PNMA3: variants seen among roughly 807,000 people sequenced by gnomAD.
The protein encoded by PNMA3 is PNMA family member 3.
Under a neutral mutation model 25.1 loss-of-function variants are expected in PNMA3, and 10 were observed. The ratio of observed to expected loss-of-function variants is 0.40; its 90% confidence interval spans 0.25 to 0.68. The LOEUF is 0.68. Ranked by LOEUF, PNMA3 falls within the 30% of genes least tolerant of loss-of-function variation. The pLI is 0.40. For missense variants in PNMA3, 317 were observed against 372.1 expected, an observed-to-expected ratio of 0.85 and a Z score of 1.22; for synonymous variants, 134 against 148.7, an observed-to-expected ratio of 0.90 and a Z score of 0.72.
chrX:153,058,661 G>T lies in PNMA3; in HGVS notation c.*214G>T. The T allele has an allele frequency of 9.1e-7, 1 of 1,093,545 alleles. No homozygotes were observed. Among genetic ancestry groups the T allele is most frequent in the Non-Finnish European group, 1.2e-6 (1 of 814,567 alleles). The allele number at this position is 1,093,545 out of a possible 1,213,427, so 90.1% of individuals were successfully genotyped here. A position where few individuals can be genotyped will look rare whatever the true frequency, so the allele number is the denominator to read the frequency against. On this transcript the variant is annotated 3_prime_UTR_variant, in exon 2 of 2. Transcript: ENST00000593810. ...CTGGCAACAGGCTCAGTGGGGGTCA[G>T]GTCCAGGTCCCCGAAGAGGTGCTGG...
chrX:153,058,435 C>A lies in PNMA3; in HGVS notation c.1380C>A (p.Ser460=). 8.3e-7 allele frequency: 1 copy of A among 1,212,044 alleles called. No homozygotes were observed. The highest frequency in any genetic ancestry group is 1.1e-6 in the Non-Finnish European group (1 of 895,542). Residue 460 remains serine, a synonymous_variant, in exon 2 of 2, where the codon TCC becomes TCA. Coordinates refer to ENST00000593810, the MANE Select transcript of PNMA3 (RefSeq NM_013364.6). The part of the protein sequence containing the change: ...NWAWDKSHPK[S]KAK ...CTTGGGACAAGAGCCATCCCAAGTC[C>A]AAGGCCAAGTAGGCTCGGGAGAACA...
In PNMA3 at chrX:153,058,651, G is replaced by T; in HGVS notation, c.*204G>T. 8.9e-7 allele frequency: 1 copy of T among 1,129,161 alleles called. No homozygotes were observed. Among genetic ancestry groups the T allele is most frequent in the South Asian group, 2.0e-5 (1 of 49,687 alleles). The allele number at this position is 1,129,161 out of a possible 1,213,427, so 93.1% of individuals were successfully genotyped here. A position where few individuals can be genotyped will look rare whatever the true frequency, so the allele number is the denominator to read the frequency against. On this transcript the variant is annotated 3_prime_UTR_variant, in exon 2 of 2. Coordinates refer to ENST00000593810, the MANE Select transcript of PNMA3 (RefSeq NM_013364.6). Reference sequence around the variant, plus strand: ...CCAAGACCACCTGGCAACAGGCTCAGTGGGGGTCAGGTCCAGGTCCCCGAA... The same window carrying T: ...CCAAGACCACCTGGCAACAGGCTCATTGGGGGTCAGGTCCAGGTCCCCGAA...
In PNMA3 at chrX:153,057,001, G is replaced by A. The variant is rs2051146746; in HGVS notation, c.-55G>A. ...TCACCCTAGGAGTTGATCCAGATAT[G>A]TGCCTCACGCCCTGATCACTCCCCC... On this transcript the variant is annotated 5_prime_UTR_variant, in exon 2 of 2. The change creates a new upstream start codon in the 5' untranslated region. Coordinates refer to ENST00000593810, the MANE Select transcript of PNMA3 (RefSeq NM_013364.6). 2 of 1,173,399 alleles carry A rather than the reference G, an allele frequency of 1.7e-6. No homozygotes were observed. Among genetic ancestry groups the A allele is most frequent in the African/African-American group, 3.5e-5 (2 of 56,497 alleles).
Position 153,057,378 on chromosome X carries a change from GCTT to G in PNMA3, c.327_329del (p.Phe109del), listed in dbSNP as rs1556932110. The G allele has an allele frequency of 8.3e-7, 1 of 1,212,022 alleles. No individual in the cohort carries two copies. The highest frequency in any genetic ancestry group is 1.1e-6 in the Non-Finnish European group (1 of 895,546). ...GGGGAATTTCTCAACAGACTGAACC[GCTT>G]CTTAGAGGAGGAGAGGCGGACCGTG... On this transcript the variant is annotated inframe_deletion, in exon 2 of 2. Coordinates refer to ENST00000593810, the MANE Select transcript of PNMA3 (RefSeq NM_013364.6).
Position 153,058,273 on chromosome X carries a change from A to C in PNMA3, c.1218A>C (p.Arg406Ser). The stretch of plus-strand genomic sequence containing the variant: ...CAAGGGCTGGCTCTCGAGGCTCAAG[A>C]AAACGGAAACGCCACACATTCTGCT... ...GVARAGSRGSRKRKRHTFCYS... is the reference protein window; with the variant it reads ...GVARAGSRGSSKRKRHTFCYS... Residue 406 changes from arginine to serine, a missense_variant, in exon 2 of 2, where the codon AGA becomes AGC. Coordinates refer to ENST00000593810, the MANE Select transcript of PNMA3 (RefSeq NM_013364.6). 8.2e-7 allele frequency: 1 copy of C among 1,212,212 alleles called. No individual in the cohort carries two copies.
chrX:153,057,441 A>G lies in PNMA3; in HGVS notation c.386A>G (p.Asn129Ser). Reference protein sequence around the residue: ...DMNRVLGSDTNCSAPRVTISP... With the variant: ...DMNRVLGSDTSCSAPRVTISP... ...AACCGAGTCCTCGGGTCGGACACCAATTGTTCGGCTCCAAGAGTGACTATA... is the reference window on the plus strand; with the variant it reads ...AACCGAGTCCTCGGGTCGGACACCAGTTGTTCGGCTCCAAGAGTGACTATA... Residue 129 changes from asparagine (N) to serine (S), a missense_variant, in exon 2 of 2, where the codon AAT becomes AGT. Transcript: ENST00000593810. 4 of 1,210,459 alleles carry G rather than the reference A, an allele frequency of 3.3e-6. No individual in the cohort carries two copies. The highest frequency in any genetic ancestry group is 3.0e-5 in the East Asian group (1 of 33,797).
At position 153,057,760 on chromosome X, in the gene PNMA3, C is replaced by T; in HGVS notation, c.705C>T (p.Ala235=). 8.2e-7 allele frequency: 1 copy of T among 1,212,434 alleles called. No homozygotes were observed. Among genetic ancestry groups the T allele is most frequent in the South Asian group, 1.8e-5 (1 of 57,045 alleles). The part of the protein sequence containing the change: ...ASITVEECLA[A]LQQVFGPVES... ...TAACTGTGGAGGAGTGCCTGGCTGCCTTGCAGCAGGTGTTCGGACCTGTGG... is the reference window on the plus strand; with the variant it reads ...TAACTGTGGAGGAGTGCCTGGCTGCTTTGCAGCAGGTGTTCGGACCTGTGG... The change falls in exon 2 of 2, where the codon GCC becomes GCT. Residue 235 remains alanine, a synonymous_variant. Transcript: ENST00000593810.
Position 153,056,842 on chromosome X carries a change from C to T in PNMA3, c.-106-108C>T. On this transcript the variant is annotated intron_variant, in intron 1 of 1. Coordinates refer to ENST00000593810, the MANE Select transcript of PNMA3 (RefSeq NM_013364.6). ...CAGGGGCGGGGCCTGGCTGCAGAGG[C>T]GCCGCCCGGGGAGGAGGGCGGCTGG... is the stretch of plus-strand genomic sequence containing the variant. The T allele has an allele frequency of 2.1e-5, 8 of 386,945 alleles. No individual in the cohort carries two copies. The South Asian group carries it at 4.7e-4, about 23-fold the overall frequency. The allele number at this position is 386,945 out of a possible 1,213,427, so 31.9% of individuals were successfully genotyped here. A position where few individuals can be genotyped will look rare whatever the true frequency, so the allele number is the denominator to read the frequency against.
chrX:153,059,991 G>A lies in PNMA3; in HGVS notation c.*1544G>A, dbSNP rs782497076. The A allele has an allele frequency of 2.9e-4, 36 of 124,722 alleles. No individual in the cohort carries two copies. Among genetic ancestry groups the A allele is most frequent in the South Asian group, 3.6e-4 (1 of 2,776 alleles). 10.3% of individuals were successfully genotyped at this position (124,722 alleles called of 1,213,427 possible). On this transcript the variant is annotated 3_prime_UTR_variant, in exon 2 of 2. Transcript: ENST00000593810. The stretch of plus-strand genomic sequence containing the variant: ...ACCGTGACTGTGGGAGGAAGAACTG[G>A]ACCCAGGACGGAGCGGGGCTGCCCT...
rs2051171626 is a variant in PNMA3, at chrX:153,059,914, A to C, written c.*1467A>C. 1 of 124,334 alleles carries C rather than the reference A, an allele frequency of 8.0e-6. No individual in the cohort carries two copies. Among genetic ancestry groups the C allele is most frequent in the Non-Finnish European group, 1.9e-5 (1 of 53,480 alleles). 10.2% of individuals were successfully genotyped at this position (124,334 alleles called of 1,213,427 possible). On this transcript the variant is annotated 3_prime_UTR_variant, in exon 2 of 2. Transcript: ENST00000593810. ...CCCCAGCACAGTCCCAGGAGATGAC[A>C]GGAAGGAAGCACCAGGGCAAGGCGG...
At position 153,058,208 on chromosome X, in the gene PNMA3, C is replaced by T. The variant is rs782583081; in HGVS notation, c.1153C>T (p.Arg385Cys). Residue 385 changes from arginine (R) to cysteine (C), a missense_variant, in exon 2 of 2, where the codon CGC becomes TGC. By Grantham distance (180) the Arg-to-Cys change is radical. Transcript: ENST00000593810. ...TGCGAGGCCTTCCCAGGGCTACCGG[C>T]GCCGGAGGGGCAGAGGCCAACACCG... is the stretch of plus-strand genomic sequence containing the variant. ...FDARPSQGYR[R>C]RRGRGQHRRG... 30 of 1,210,552 alleles carry T rather than the reference C, an allele frequency of 2.5e-5. No individual in the cohort carries two copies. Among genetic ancestry groups the T allele is most frequent in the East Asian group, 3.0e-5 (1 of 33,782 alleles).
Position 153,057,828 on chromosome X carries a change from A to C in PNMA3, c.773A>C (p.Gln258Pro). Residue 258 changes from glutamine (Q) to proline (P), a missense_variant, in exon 2 of 2, where the codon CAG becomes CCG. By Grantham distance (76) the Gln-to-Pro change is moderately conservative. Coordinates refer to ENST00000593810, the MANE Select transcript of PNMA3 (RefSeq NM_013364.6). Reference protein sequence around the residue: ...IAQVKLCKAYQEAGEKVSSFV... With the variant: ...IAQVKLCKAYPEAGEKVSSFV... ...CAGGTGAAGTTGTGTAAAGCCTATC[A>C]GGAGGCAGGAGAGAAAGTATCTAGC... 1.6e-6 allele frequency: 2 copies of C among 1,212,529 alleles called. No individual in the cohort carries two copies. The highest frequency in any genetic ancestry group is 2.2e-6 in the Non-Finnish European group (2 of 895,686).
At position 153,060,245 on chromosome X, in the gene PNMA3, C is replaced by T. The variant is rs55989575; in HGVS notation, c.*1798C>T. ...TACCTTCCTGGCAAGAGGCAGACCC[C>T]GGGGCCCTCAGGAAGGAGGGAGTTG... On this transcript the variant is annotated 3_prime_UTR_variant, in exon 2 of 2. Coordinates refer to ENST00000593810, the MANE Select transcript of PNMA3 (RefSeq NM_013364.6). 1,830 of 120,797 alleles carry T rather than the reference C, an allele frequency of 0.015. 97 individuals carry two copies. Among genetic ancestry groups the T allele is most frequent in the African/African-American group, 0.06 (1,660 of 27,774 alleles). 10.0% of individuals were successfully genotyped at this position (120,797 alleles called of 1,213,427 possible).
chrX:153,058,738 G>A lies in PNMA3; in HGVS notation c.*291G>A. The A allele has an allele frequency of 1.6e-6, 1 of 637,677 alleles. No homozygotes were observed. The highest frequency in any genetic ancestry group is 2.4e-6 in the Non-Finnish European group (1 of 421,098). 52.6% of individuals were successfully genotyped at this position (637,677 alleles called of 1,213,427 possible). ...CAGCACATGGGGTGCCTGGGCCTCA[G>A]ATGGGGACCCCAAAGAAGCAGAAGC... On this transcript the variant is annotated 3_prime_UTR_variant, in exon 2 of 2. Coordinates refer to ENST00000593810, the MANE Select transcript of PNMA3 (RefSeq NM_013364.6).
Position 153,058,404 on chromosome X carries a change from A to G in PNMA3, c.1349A>G (p.Asn450Ser), listed in dbSNP as rs2051159473. 8.3e-7 allele frequency: 1 copy of G among 1,210,777 alleles called. No individual in the cohort carries two copies. Among genetic ancestry groups the G allele is most frequent in the African/African-American group, 1.7e-5 (1 of 57,402 alleles). The change falls in exon 2 of 2, where the codon AAC becomes AGC. Residue 450 changes from asparagine (N) to serine (S), a missense_variant. Asn to Ser is a conservative substitution (Grantham distance 46). Transcript: ENST00000593810. ...KQAAVESGNGNWAWDKSHPKS... is the reference protein window; with the variant it reads ...KQAAVESGNGSWAWDKSHPKS... ...GCTGCAGTTGAGTCGGGAAACGGGA[A>G]CTGGGCTTGGGACAAGAGCCATCCC...
chrX:153,058,697 A>C lies in PNMA3; in HGVS notation c.*250A>C. The C allele has an allele frequency of 1.1e-6, 1 of 934,565 alleles. No homozygotes were observed. Among genetic ancestry groups the C allele is most frequent in the Non-Finnish European group, 1.5e-6 (1 of 682,536 alleles). 77.0% of individuals were successfully genotyped at this position (934,565 alleles called of 1,213,427 possible). A position where few individuals can be genotyped will look rare whatever the true frequency, so the allele number is the denominator to read the frequency against. ...CCGAAGAGGTGCTGGAGAGGAAAGC[A>C]GGGAGCCACTGCATCCAGCACATGG... On this transcript the variant is annotated 3_prime_UTR_variant, in exon 2 of 2. Transcript: ENST00000593810.
chrX:153,056,956 G>A lies in PNMA3; in HGVS notation c.-100G>A. The A allele has an allele frequency of 2.7e-6, 3 of 1,095,355 alleles. No individual in the cohort carries two copies. Among genetic ancestry groups the A allele is most frequent in the Non-Finnish European group, 3.7e-6 (3 of 821,600 alleles). The allele number at this position is 1,095,355 out of a possible 1,213,427, so 90.3% of individuals were successfully genotyped here. On this transcript the variant is annotated 5_prime_UTR_variant, in exon 2 of 2. Coordinates refer to ENST00000593810, the MANE Select transcript of PNMA3 (RefSeq NM_013364.6). The stretch of plus-strand genomic sequence containing the variant: ...GCCCTGCTCGCATTCACAGGCTGTG[G>A]AGACCTGGGCCTTCTGCGATCACCC...
In PNMA3 at chrX:153,057,706, C is replaced by T; in HGVS notation, c.651C>T (p.Val217=). ...ECLRGPALQV[V]SGLRASNASI... is the part of the protein sequence containing the mutation. ...TACGGGGCCCTGCTCTCCAGGTGGTCAGTGGGCTCCGGGCCAGCAATGCTT... is the reference window on the plus strand; with the variant it reads ...TACGGGGCCCTGCTCTCCAGGTGGTTAGTGGGCTCCGGGCCAGCAATGCTT... Residue 217 remains valine, a synonymous_variant, in exon 2 of 2, where the codon GTC becomes GTT. Transcript: ENST00000593810. 1 of 1,211,982 alleles carries T rather than the reference C, an allele frequency of 8.3e-7. No homozygotes were observed. Among genetic ancestry groups the T allele is most frequent in the Non-Finnish European group, 1.1e-6 (1 of 895,553 alleles).
rs782057915 is a variant in PNMA3 at position 153,057,647 on chromosome X, G to A, written c.592G>A (p.Glu198Lys). The A allele has an allele frequency of 5.8e-6, 7 of 1,209,246 alleles. No individual in the cohort carries two copies. Among genetic ancestry groups the A allele is most frequent in the East Asian group, 5.9e-5 (2 of 33,763 alleles). The change falls in exon 2 of 2, where the codon GAG becomes AAG. Residue 198 changes from glutamate (E) to lysine (K), a missense_variant. Glu to Lys is a moderately conservative substitution (Grantham distance 56). Transcript: ENST00000593810. ...TEMLQMWQVP[E>K]GEKRRRLMEC... ...GATGCTACAGATGTGGCAGGTGCCC[G>A]AGGGGGAAAAGAGGCGGAGGCTGAT...
Sources: allele counts gnomAD v4.1 joint callset, GRCh38; gene constraint gnomAD v4.1.1; transcripts MANE v1.5; gene names NCBI Gene and HGNC (gene_info 2026-07-23, HGNC 2026-07-21).